Variants in SEMA5A observed in about 807,000 individuals in gnomAD.
SEMA5A encodes the protein semaphorin 5A.
Under a neutral mutation model 135.5 loss-of-function variants are expected in SEMA5A, and 55 were observed. That is an observed-to-expected ratio of 0.41 (90% CI 0.33 to 0.51). SEMA5A has a LOEUF of 0.51. SEMA5A is among the 20% of genes least tolerant of loss of function. The probability of loss-of-function intolerance (pLI) is 0.37; values close to 1 mark genes in which losing one functional copy is unlikely to be tolerated. For missense variants in SEMA5A, 1,290 were observed against 1,419.9 expected, an observed-to-expected ratio of 0.91 and a Z score of 1.47; for synonymous variants, 580 against 546.5, an observed-to-expected ratio of 1.06 and a Z score of -0.85.
At chr5:9,251,389 G>A (rs1399460242) in intron 5 of SEMA5A, among the ~76,000 whole-genome samples, 1 of 152,056 alleles carries the variant, frequency 6.6e-6, no homozygotes, top group Non-Finnish European at 1.5e-5. Context: ...GAAGAGGGAG[G>A]GCATTTCTTC....
chr5:9,397,580 C>T (rs1756461541), intron 2 of SEMA5A, among the ~76,000 whole-genome samples: 1 of 152,166 alleles, frequency 6.6e-6, no homozygotes, highest in Admixed American at 6.5e-5. Context: ...TTAGAACATT[C>T]TGAGATATAT....
chr5:9,229,107 G>A (rs1747479328), intron 6 of SEMA5A, among the ~76,000 whole-genome samples: 1 of 152,172 alleles, frequency 6.6e-6, no homozygotes, highest in South Asian at 2.1e-4. Context: ...GCTTCTAAAT[G>A]TAAAGTGAAA....
intron 1 of SEMA5A, among the ~76,000 whole-genome samples, chr5:9,526,282 T>C (rs1397787768): frequency 7.7e-6 from 1 of 129,474 alleles, no homozygotes; most frequent in Non-Finnish European, 1.7e-5. Flanking sequence ...AACATTTAAG[T>C]TTAACATTAA....
At position 9,054,100 on chromosome 5, in the gene SEMA5A, C is replaced by T. The variant is rs142342147; in HGVS notation, c.2676G>A (p.Thr892=). 1.5e-4 allele frequency: 235 copies of T among 1,610,242 alleles called. No homozygotes were observed. Among genetic ancestry groups the T allele is most frequent in the African/African-American group, 1.1e-3 (82 of 74,890 alleles). The change falls in exon 19 of 23, where the codon ACG becomes ACA. Residue 892 remains threonine, a synonymous_variant. Transcript: ENST00000382496. ...GLHTEEALCN[T]QPCPESWSEW... ...GGTGCCGCTTACCTGGGCAGGGCTG[C>T]GTGTTGCAGAGTGCCTCTTCTGTGT...
At chr5:9,131,108 T>G (rs1741386951) in intron 13 of SEMA5A, among the ~76,000 whole-genome samples, 1 of 152,236 alleles carries the variant, frequency 6.6e-6, no homozygotes. Flanking sequence ...ATAGCTCATT[T>G]TGCATTTCTG....
intron 10 of SEMA5A, among the ~76,000 whole-genome samples, chr5:9,194,329 C>T (rs151006204): frequency 2.9e-4 from 44 of 152,316 alleles, no homozygotes; most frequent in African/African-American, 1.0e-3. Flanking sequence ...CACCATCTCT[C>T]CTAACCCATT....
chr5:9,313,530 G>A (rs538346926), intron 5 of SEMA5A, among the ~76,000 whole-genome samples: 2 of 152,286 alleles, frequency 1.3e-5, no homozygotes, highest in South Asian at 2.1e-4. Context: ...TAAGCCATCT[G>A]TTTTGACTCT....
chr5:9,502,611 G>T (rs1735653375), intron 1 of SEMA5A, among the ~76,000 whole-genome samples: 1 of 152,128 alleles, frequency 6.6e-6, no homozygotes, highest in African/African-American at 2.4e-5. Flanking sequence ...GCCTAGTCCT[G>T]CCCAAGGAAA....
At chr5:9,421,356 A>G (rs1271042821) in intron 2 of SEMA5A, among the ~76,000 whole-genome samples, 2 of 152,238 alleles carry the variant, frequency 1.3e-5, no homozygotes, top group Non-Finnish European at 2.9e-5. Flanking sequence ...CATATAATCT[A>G]TACTTGATTG....
intron 4 of SEMA5A, among the ~76,000 whole-genome samples, chr5:9,320,930 G>A (rs971166321): frequency 4.6e-5 from 7 of 152,122 alleles, no homozygotes; most frequent in Admixed American, 1.3e-4. Context: ...TTTCAGAAGC[G>A]GGGCTTACCA....
chr5:9,057,461 G>A (rs943512314), intron 18 of SEMA5A, among the ~76,000 whole-genome samples: 3 of 152,244 alleles, frequency 2.0e-5, no homozygotes, highest in Admixed American at 6.5e-5. Context: ...GTAAGCCAAT[G>A]TGTATGTGAT....
intron 3 of SEMA5A, among the ~76,000 whole-genome samples, chr5:9,361,437 C>A (rs1315177409): frequency 6.6e-6 from 1 of 152,034 alleles, no homozygotes; most frequent in African/African-American, 2.4e-5. Context: ...AAAATTATAC[C>A]AGCATTACCG....
At chr5:9,057,938 G>A (rs1009829677) in intron 18 of SEMA5A, among the ~76,000 whole-genome samples, 2 of 152,130 alleles carry the variant, frequency 1.3e-5, no homozygotes, top group Non-Finnish European at 2.9e-5. Flanking sequence ...AAAGGCCAAA[G>A]CATTTCTAAA....
chr5:9,500,111 A>G (rs1735509379), intron 1 of SEMA5A, among the ~76,000 whole-genome samples: 1 of 152,218 alleles, frequency 6.6e-6, no homozygotes, highest in African/African-American at 2.4e-5. Context: ...TGGCTATGCA[A>G]CTTTTTGGAG....
chr5:9,360,193 A>C (rs1444059712), intron 3 of SEMA5A, among the ~76,000 whole-genome samples: 2 of 152,198 alleles, frequency 1.3e-5, no homozygotes, highest in African/African-American at 4.8e-5. Context: ...TTAGTAAATT[A>C]ATCAAAAGCT....
intron 11 of SEMA5A, among the ~76,000 whole-genome samples, chr5:9,161,658 T>G (rs2150282308): frequency 6.6e-6 from 1 of 152,340 alleles, no homozygotes. Context: ...CCTGAGGATG[T>G]ACAGGGGTGT....
intron 5 of SEMA5A, among the ~76,000 whole-genome samples, chr5:9,287,805 T>C (rs1437752189): frequency 6.6e-6 from 1 of 152,210 alleles, no homozygotes; most frequent in Non-Finnish European, 1.5e-5. Flanking sequence ...TCTGGCCCTG[T>C]ACAGAAAATG....
chr5:9,137,856 G>C (rs1455404150), intron 12 of SEMA5A, among the ~76,000 whole-genome samples: 5 of 152,130 alleles, frequency 3.3e-5, no homozygotes, highest in African/African-American at 1.2e-4. Context: ...AGTTTTCTAA[G>C]AATGTGACTT....
intron 16 of SEMA5A, among the ~76,000 whole-genome samples, chr5:9,094,302 T>G (rs78600260): frequency 9.0e-6 from 1 of 110,978 alleles, no homozygotes; most frequent in Admixed American, 8.2e-5. Context: ...TTCTTCCACA[T>G]GCAAAATTAT....
Sources: gnomAD v4.1 joint callset for allele counts (sites outside exome capture counted in the v4.1 genomes callset) on GRCh38, gnomAD v4.1.1 for gene constraint, MANE v1.5 for transcripts, NCBI Gene and HGNC (gene_info 2026-07-23, HGNC 2026-07-21) for gene names.